Variants in WDR59 observed in about 807,000 individuals in gnomAD.
WDR59 encodes the protein WD repeat domain 59.
WDR59 carries 100 observed loss-of-function variants against 131.2 expected under a neutral mutation model. The ratio of observed to expected loss-of-function variants is 0.76; its 90% confidence interval spans 0.65 to 0.90. The LOEUF is 0.90. WDR59 is among the 40% of genes least tolerant of loss of function. The probability of loss-of-function intolerance (pLI) is 0.00; values close to 1 mark genes in which losing one functional copy is unlikely to be tolerated. For synonymous variants in WDR59, 601 were observed against 466.2 expected (o/e 1.29, Z -3.72); for missense variants, 1,203 against 1,262.2 (o/e 0.95, Z 0.71).
intron 8 of WDR59, among the ~76,000 whole-genome samples, chr16:74,933,883 C>A (rs1289913645): frequency 6.6e-6 from 1 of 152,244 alleles, no homozygotes; most frequent in East Asian, 1.9e-4. Context: ...CCGCACCAGC[C>A]ATTTCTTATC....
At chr16:74,984,878 A>G (rs918180752) in intron 1 of WDR59, 86 bp downstream of exon 1, 18 of 1,545,226 alleles carry the variant, frequency 1.2e-5, no homozygotes, top group Non-Finnish European at 1.5e-5. Flanking sequence ...GTCTCCCCGT[A>G]GCCCCCCGGG....
chr16:74,899,934 C>A lies in WDR59; in HGVS notation c.1866+4013G>T, dbSNP rs147352109. Among the ~76,000 whole-genome samples, 241 of 152,272 alleles carry A rather than the reference C, an allele frequency of 1.6e-3. 1 individual carries two copies. The highest frequency in any genetic ancestry group is 5.6e-3 in the African/African-American group (234 of 41,566). On this transcript the variant is annotated intron_variant, in intron 18 of 25. Coordinates refer to ENST00000262144, the MANE Select transcript of WDR59 (RefSeq NM_030581.4). ...ATCTGAACCTAAGCACAGCGGAATT[C>A]GGCTTCCCTCACCTCCCTCCCACCC...
intron 8 of WDR59, among the ~76,000 whole-genome samples, chr16:74,930,001 T>C (rs946695193): frequency 2.0e-5 from 3 of 152,014 alleles, no homozygotes; most frequent in African/African-American, 4.8e-5. Flanking sequence ...CTCATGAAGA[T>C]AGAGAGCAGA....
chr16:74,923,787 CA>C (rs1396228006), intron 9 of WDR59, 138 bp downstream of exon 9: 11 of 760,438 alleles, frequency 1.4e-5, no homozygotes, highest in Non-Finnish European at 2.3e-5. Context: ...CTATCATTAT[CA>C]CGTTTGTCCC....
chr16:74,983,840 G>A (rs758632694), intron 1 of WDR59, among the ~76,000 whole-genome samples: 12 of 151,860 alleles, frequency 7.9e-5, no homozygotes, highest in Non-Finnish European at 1.2e-4. Flanking sequence ...TTAGTCGGGC[G>A]TGTTGGCATG....
chr16:74,914,087 C>A (rs1218976098), intron 13 of WDR59, among the ~76,000 whole-genome samples: 2 of 152,114 alleles, frequency 1.3e-5, no homozygotes, highest in African/African-American at 4.8e-5. Context: ...TGGCGTGCGC[C>A]CATAATCCCA....
rs564782891 is a variant in WDR59, at chr16:74,886,917, A to T, written c.2420-521T>A. Among the ~76,000 whole-genome samples, 43 of 152,280 alleles carry T rather than the reference A, an allele frequency of 2.8e-4. 1 individual carries two copies. The highest frequency in any genetic ancestry group is 9.4e-4 in the African/African-American group (39 of 41,558). On this transcript the variant is annotated intron_variant, in intron 23 of 25. Transcript: ENST00000262144. ...CAGCCTGGCGACAGAGCAAGAGTCCATCTCAAAAAACTAAAAAAAATAAAT... is the reference window on the plus strand; with the variant it reads ...CAGCCTGGCGACAGAGCAAGAGTCCTTCTCAAAAAACTAAAAAAAATAAAT...
intron 4 of WDR59, chr16:74,950,048 A>T: frequency 5.8e-6 from 3 of 515,096 alleles, no homozygotes; most frequent in Non-Finnish European, 1.1e-5. Flanking sequence ...AACTTAAAAC[A>T]TTCTCTCTCT....
At chr16:74,912,089 A>G (rs187711693) in intron 14 of WDR59, 109 bp downstream of exon 14, 44 of 1,473,206 alleles carry the variant, frequency 3.0e-5, no homozygotes, top group Non-Finnish European at 4.1e-5. Flanking sequence ...TGTGTGTACG[A>G]AACAGATGAC....
At position 74,903,503 on chromosome 16, in the gene WDR59, C is replaced by A. The variant is rs567397085; in HGVS notation, c.1866+444G>T. Reference sequence around the variant, plus strand: ...TGTAGACTTAGTATAAAAAAAAAAACAAAAAACCTTTCAGACATTAACTTT... The same window carrying A: ...TGTAGACTTAGTATAAAAAAAAAAAAAAAAAACCTTTCAGACATTAACTTT... On this transcript the variant is annotated intron_variant, in intron 18 of 25. Transcript: ENST00000262144. Among the ~76,000 whole-genome samples the A allele has an allele frequency of 1.7e-3, 244 of 142,476 alleles. 1 individual carries two copies. The highest frequency in any genetic ancestry group is 5.4e-3 in the African/African-American group (210 of 39,118). 93.5% of individuals were successfully genotyped at this position (142,476 alleles called of 152,430 possible).
At position 74,924,092 on chromosome 16, in the gene WDR59, T is replaced by C. The variant is rs141467573; in HGVS notation, c.652-89A>G. 3,046 of 1,303,772 alleles carry C rather than the reference T, an allele frequency of 2.3e-3. 6 individuals are homozygous for C. Among genetic ancestry groups the C allele is most frequent in the South Asian group, 2.9e-3 (227 of 79,474 alleles). 80.8% of individuals were successfully genotyped at this position (1,303,772 alleles called of 1,614,324 possible). On this transcript the variant is annotated intron_variant, in intron 8 of 25. Transcript: ENST00000262144. ...GCACAGCCTTTGAACTCATTGCTTCTGGTCCTCTAAAGATACACTTCAACA... is the reference window on the plus strand; with the variant it reads ...GCACAGCCTTTGAACTCATTGCTTCCGGTCCTCTAAAGATACACTTCAACA...
At chr16:74,881,893 A>G (rs2144772147) in intron 25 of WDR59, among the ~76,000 whole-genome samples, 1 of 151,612 alleles carries the variant, frequency 6.6e-6, no homozygotes, top group Non-Finnish European at 1.5e-5. Flanking sequence ...AAAAAGAAAA[A>G]AAAGAAAAAA....
intron 10 of WDR59, among the ~76,000 whole-genome samples, chr16:74,920,999 T>C (rs7203058): frequency 0.37 from 56,554 of 151,968 alleles, 10,565 homozygotes; most frequent in African/African-American, 0.42. Flanking sequence ...GGCAATTACA[T>C]AGATTTTCAC....
At chr16:74,935,570 T>C (rs1033890361) in intron 8 of WDR59, among the ~76,000 whole-genome samples, 1 of 151,906 alleles carries the variant, frequency 6.6e-6, no homozygotes, top group African/African-American at 2.4e-5. Flanking sequence ...AAATAATTAA[T>C]ATAAATTATG....
intron 18 of WDR59, among the ~76,000 whole-genome samples, chr16:74,901,651 T>TAA (rs200878105): frequency 1.8e-3 from 245 of 135,842 alleles, no homozygotes; most frequent in African/African-American, 6.2e-3. Context: ...CCCCATCTCT[T>TAA]AAAAAAAAAA....
chr16:74,904,489 G>A (rs193061055), intron 17 of WDR59: 9 of 194,744 alleles, frequency 4.6e-5, no homozygotes, highest in African/African-American at 7.2e-5. Context: ...GAAAATGTGC[G>A]TGAAAATACA....
intron 1 of WDR59, among the ~76,000 whole-genome samples, chr16:74,970,099 A>G (rs1332005977): frequency 6.6e-6 from 1 of 151,996 alleles, no homozygotes; most frequent in African/African-American, 2.4e-5. Context: ...AATTTTTTGT[A>G]TTTTTGGTAG....
chr16:74,979,838 CTTTTTTTTTT>C (rs56943510), intron 1 of WDR59, among the ~76,000 whole-genome samples: 4 of 60,506 alleles, frequency 6.6e-5, no homozygotes, highest in Admixed American at 2.7e-4. Context: ...CACACCCGGC[CTTTTTTTTTT>C]TTTTTTTTTT....
intron 21 of WDR59, among the ~76,000 whole-genome samples, chr16:74,889,295 G>T (rs946065061): frequency 6.6e-6 from 1 of 151,716 alleles, no homozygotes; most frequent in Non-Finnish European, 1.5e-5. Context: ...TGCCTAACAG[G>T]GTGAAAGCGT....
Sources: gnomAD v4.1 joint callset for allele counts (sites outside exome capture counted in the v4.1 genomes callset) on GRCh38, gnomAD v4.1.1 for gene constraint, MANE v1.5 for transcripts, NCBI Gene and HGNC (gene_info 2026-07-23, HGNC 2026-07-21) for gene names.